The following PEX5 variants were observed in gnomAD, a reference collection of about 807,000 sequenced individuals.
The protein encoded by PEX5 is PTS1 receptor.
In PEX5, 52 loss-of-function variants were observed where a neutral mutation model predicts 82.9. The observed-to-expected ratio is 0.63, with a 90% CI of 0.50 to 0.79. The LOEUF (loss-of-function observed/expected upper bound fraction) is 0.79, where lower values mean the gene tolerates loss of function less well. Ranked by LOEUF, PEX5 falls within the 30% of genes least tolerant of loss-of-function variation. The pLI, the probability that PEX5 is intolerant of heterozygous loss-of-function variation, is 0.00. For synonymous variants in PEX5, 300 were observed against 318.8 expected, an observed-to-expected ratio of 0.94 and a Z score of 0.63; for missense variants, 719 against 815.2, an observed-to-expected ratio of 0.88 and a Z score of 1.44.
At chr12:7,197,235 GTAATAATTATATGTCATATGTAA>G (rs1942723776) in intron 5 of PEX5, among the ~76,000 whole-genome samples, 2 of 11,814 alleles carry the variant, frequency 1.7e-4, no homozygotes, top group Non-Finnish European at 2.0e-4. Flanking sequence ...TATGTCATAT[GTAATAATTATATGTCATATGTAA>G]TAATTATATA....
intron 5 of PEX5, among the ~76,000 whole-genome samples, chr12:7,197,559 A>G (rs7139158): frequency 0.17 from 18,518 of 107,404 alleles, 3,054 homozygotes; most frequent in African/African-American, 0.23. Flanking sequence ...TATATATAAT[A>G]TAATAAGTAG....
At chr12:7,212,482 A>AAAAAAAC (rs1565730805), downstream of PEX5, among the ~76,000 whole-genome samples, 1 of 57,958 alleles carries the variant, frequency 1.7e-5, no homozygotes, top group East Asian at 3.0e-4. Context: ...AAAAAAAAAA[A>AAAAAAAC]AAAAAACCCA....
intron 5 of PEX5, among the ~76,000 whole-genome samples, chr12:7,192,855 G>A (rs748964940): frequency 6.6e-6 from 1 of 152,326 alleles, no homozygotes; most frequent in South Asian, 2.1e-4. Context: ...CTTACCCGAA[G>A]CCTATCTGAT....
intron 6 of PEX5, 159 bp from the exon 7 acceptor site, chr12:7,201,592 C>T: frequency 5.7e-6 from 4 of 697,908 alleles, no homozygotes; most frequent in Non-Finnish European, 1.1e-5. Context: ...ACACTCCTGC[C>T]CAAATGTCCT....
chr12:7,207,602 C>T lies in PEX5; in HGVS notation c.967-57C>T. On this transcript the variant is annotated intron_variant, in intron 10 of 15. Transcript: ENST00000675855. ...TGCCTGCTGGTTGTCATCCTCACAT[C>T]CCTGCTGTTCTGACGGTGCCACCTC... 2.5e-6 allele frequency: 4 copies of T among 1,582,260 alleles called. No homozygotes were observed. In the South Asian group the frequency reaches 4.4e-5, roughly 18 times the overall value.
chr12:7,211,800 C>T (rs1435555551), downstream of PEX5, among the ~76,000 whole-genome samples: 2 of 152,064 alleles, frequency 1.3e-5, no homozygotes, highest in African/African-American at 4.8e-5. Flanking sequence ...CTTAGGGTTT[C>T]TAAAGCTTTT....
chr12:7,198,498 G>A (rs1943153786), intron 5 of PEX5, among the ~76,000 whole-genome samples: 1 of 152,156 alleles, frequency 6.6e-6, no homozygotes, highest in African/African-American at 2.4e-5. Context: ...TTCTAGCCTA[G>A]CATTCCACTT....
At chr12:7,208,798 A>C in intron 13 of PEX5, 129 bp downstream of exon 13, 1 of 935,434 alleles carries the variant, frequency 1.1e-6, no homozygotes, top group Non-Finnish European at 1.7e-6. Flanking sequence ...GAAACCTAGG[A>C]TCAAGTTGAA....
chr12:7,197,445 T>C lies in PEX5; in HGVS notation c.449-1566T>C, dbSNP rs1407225899. ...ATATGTCATATACAATGTAATTATG[T>C]TATATATAATGTAATAATTATATAT... On this transcript the variant is annotated intron_variant, in intron 5 of 15. Coordinates refer to ENST00000675855, the MANE Select transcript of PEX5 (RefSeq NM_001351132.2). Among the ~76,000 whole-genome samples, 2 of 90,974 alleles carry C rather than the reference T, an allele frequency of 2.2e-5. 1 individual carries two copies. Among genetic ancestry groups the C allele is most frequent in the Non-Finnish European group, 5.2e-5 (2 of 38,376 alleles). 59.7% of individuals were successfully genotyped at this position (90,974 alleles called of 152,430 possible).
At chr12:7,208,950 G>T in intron 13 of PEX5, 55 bp from the exon 14 acceptor site, 1 of 1,447,144 alleles carries the variant, frequency 6.9e-7, no homozygotes, top group Non-Finnish European at 9.7e-7. Flanking sequence ...AATTTGGGGG[G>T]ATGGGAATAG....
chr12:7,197,818 G>A (rs1250582223), intron 5 of PEX5, among the ~76,000 whole-genome samples: 2 of 152,132 alleles, frequency 1.3e-5, no homozygotes, highest in Non-Finnish European at 2.9e-5. Context: ...CTGCCCAAAT[G>A]TCCCTCTTTA....
At chr12:7,196,042 T>TATATAA (rs1942018245) in intron 5 of PEX5, among the ~76,000 whole-genome samples, 1 of 84,794 alleles carries the variant, frequency 1.2e-5, no homozygotes, top group Non-Finnish European at 2.6e-5. Context: ...ATTATATATA[T>TATATAA]TATATATACA....
chr12:7,191,321 G>A lies in PEX5; in HGVS notation c.279G>A (p.Gln93=). 1 of 1,614,184 alleles carries A rather than the reference G, an allele frequency of 6.2e-7. No homozygotes were observed. The highest frequency in any genetic ancestry group is 8.5e-7 in the Non-Finnish European group (1 of 1,180,044). The change falls in exon 4 of 16, where the codon CAG becomes CAA. Residue 93 remains glutamine, a synonymous_variant. Transcript: ENST00000675855. ...ATGACCTCCTGGCTGAGATGCAGCA[G>A]ATTGAGCAGTCAAACTTCCGCCAGG... ...KMDDLLAEMQ[Q]IEQSNFRQAP...
chr12:7,209,269 C>CAAGT, intron 14 of PEX5, 99 bp downstream of exon 14: 1 of 1,236,156 alleles, frequency 8.1e-7, no homozygotes, highest in Non-Finnish European at 1.2e-6. Flanking sequence ...CCTGTAGTCC[C>CAAGT]AGCTACTTGG....
At chr12:7,201,985 G>A in intron 7 of PEX5, 144 bp downstream of exon 7, 1 of 760,678 alleles carries the variant, frequency 1.3e-6, no homozygotes, top group South Asian at 1.5e-5. Context: ...AGAGACTTAA[G>A]ATCCTGCCTC....
rs759907253 is a variant in PEX5, at chr12:7,191,478, C to CA, written c.317-90dup. ...GAGATGCAGAAGGAGACAAAAGTAA[C>CA]AGAGTGTTTTCACGTGGATTCAGGG... On this transcript the variant is annotated intron_variant, in intron 4 of 15. Coordinates refer to ENST00000675855, the MANE Select transcript of PEX5 (RefSeq NM_001351132.2). 4.3e-5 allele frequency: 68 copies of CA among 1,594,280 alleles called. 1 individual carries two copies. In the African/African-American group the frequency reaches 4.8e-4, roughly 11 times the overall value.
intron 6 of PEX5, among the ~76,000 whole-genome samples, chr12:7,200,901 CGTAGGG>C (rs1565699440): frequency 2.0e-5 from 3 of 147,734 alleles, no homozygotes; most frequent in Non-Finnish European, 3.0e-5. Flanking sequence ...GGAGAGAGAC[CGTAGGG>C]AGAGGGAGAG....
In PEX5 at chr12:7,191,597, T is replaced by C. The variant is rs1326887485; in HGVS notation, c.345T>C (p.Ser115=). 3 of 1,613,950 alleles carry C rather than the reference T, an allele frequency of 1.9e-6. No homozygotes were observed. Among genetic ancestry groups the C allele is most frequent in the Admixed American group, 1.7e-5 (1 of 60,012 alleles). ...CTGGTGTGGCAGACTTGGCCTTGTC[T>C]GAGAACTGGGCCCAGGAGTTTCTTG... ...RAPGVADLAL[S]ENWAQEFLAA... The change falls in exon 5 of 16, where the codon TCT becomes TCC. Residue 115 remains serine (S), a synonymous_variant. Transcript: ENST00000675855.
Position 7,209,032 on chromosome 12 carries a change from C to T in PEX5, c.1422C>T (p.Leu474=). 1 of 1,614,124 alleles carries T rather than the reference C, an allele frequency of 6.2e-7. No homozygotes were observed. Among genetic ancestry groups the T allele is most frequent in the Non-Finnish European group, 8.5e-7 (1 of 1,180,010 alleles). The change falls in exon 14 of 16, where the codon CTC becomes CTT. Residue 474 remains leucine (L), a synonymous_variant. Coordinates refer to ENST00000675855, the MANE Select transcript of PEX5 (RefSeq NM_001351132.2). ...CCCTGTTTCTTGAAGTGAAAGAGCT[C>T]TTCCTGGCAGCTGTGCGGCTGGACC... ...SDSLFLEVKE[L]FLAAVRLDPT...
Sources: allele counts gnomAD v4.1 joint callset (sites outside exome capture counted in the v4.1 genomes callset), GRCh38; gene constraint gnomAD v4.1.1; transcripts MANE v1.5; gene names NCBI Gene and HGNC (gene_info 2026-07-23, HGNC 2026-07-21).